The following CDH23 variants were observed in gnomAD, a reference collection of about 807,000 sequenced individuals.
CDH23 encodes cadherin-23.
Under a neutral mutation model 317.1 loss-of-function variants are expected in CDH23, and 189 were observed. The ratio of observed to expected loss-of-function variants is 0.60; its 90% CI spans 0.53 to 0.67. The LOEUF (loss-of-function observed/expected upper bound fraction) is 0.67. Among genes scored for constraint, CDH23 ranks in the 30% least tolerant of loss-of-function variants. The probability of loss-of-function intolerance (pLI) is 0.00; values close to 1 mark genes in which losing one functional copy is unlikely to be tolerated. For synonymous variants in CDH23, 1,839 were observed against 1,876.8 expected (o/e 0.98, Z 0.52); for missense variants, 4,401 against 4,592.4 (o/e 0.96, Z 1.20).
At chr10:71,403,403 CTT>C (rs1847915605) in intron 1 of CDH23, among the ~76,000 whole-genome samples, 1 of 80,002 alleles carries the variant, frequency 1.2e-5, no homozygotes, top group African/African-American at 6.3e-5. Flanking sequence ...TTCTTTCTTT[CTT>C]TCTCTTCCTT....
intron 18 of CDH23, among the ~76,000 whole-genome samples, chr10:71,687,302 C>G (rs1465846036): frequency 1.3e-5 from 2 of 152,186 alleles, no homozygotes; most frequent in Non-Finnish European, 2.9e-5. Flanking sequence ...GGTGTGAGTG[C>G]TGGAGTGAGC....
At chr10:71,742,051 A>C in intron 38 of CDH23, 130 bp downstream of exon 38, 1 of 782,436 alleles carries the variant, frequency 1.3e-6, no homozygotes, top group Non-Finnish European at 2.0e-6. Flanking sequence ...CCTTTAGTCC[A>C]TCTGCCTTTA....
chr10:71,403,428 C>CT, intron 1 of CDH23, among the ~76,000 whole-genome samples: 4 of 69,944 alleles, frequency 5.7e-5, no homozygotes, highest in African/African-American at 4.2e-4. Flanking sequence ...TTCCTTCCTT[C>CT]CTTCCTTCCT....
At chr10:71,560,400 C>T (rs149484308) in intron 6 of CDH23, among the ~76,000 whole-genome samples, 1 of 152,236 alleles carries the variant, frequency 6.6e-6, no homozygotes, top group East Asian at 1.9e-4. Context: ...TGTTCTCTTA[C>T]CTAGAGGCGT....
intron 9 of CDH23, among the ~76,000 whole-genome samples, chr10:71,597,762 T>C (rs976363801): frequency 4.6e-5 from 7 of 152,228 alleles, no homozygotes; most frequent in Admixed American, 1.3e-4. Flanking sequence ...TTTGGACTTA[T>C]TTGATAATTC....
chr10:71,798,241 T>TG (rs1246602387), intron 49 of CDH23, 113 bp from the exon 50 acceptor site: 5 of 749,414 alleles, frequency 6.7e-6, no homozygotes, highest in East Asian at 2.6e-5. Flanking sequence ...AGGCAGCCTC[T>TG]GGGGGGCTGT....
rs189573932 is a variant in CDH23, at chr10:71,815,360, C to T, written c.*82C>T. 2.5e-5 allele frequency: 33 copies of T among 1,326,016 alleles called. No individual in the cohort carries two copies. In the Admixed American group the frequency reaches 4.8e-4, roughly 19 times the overall value. 82.1% of individuals were successfully genotyped at this position (1,326,016 alleles called of 1,614,324 possible). A position where few individuals can be genotyped will look rare whatever the true frequency, so the allele number is the denominator to read the frequency against. On this transcript the variant is annotated 3_prime_UTR_variant, in exon 70 of 70. Coordinates refer to ENST00000224721, the MANE Select transcript of CDH23 (RefSeq NM_022124.6). ...GAGCAAGGGCAGGGACAGGGCCGGT[C>T]GGGGGGGACCCTCCAAGGCCAGGCC...
At chr10:71,436,857 TACTC>T (rs573743666) in intron 1 of CDH23, among the ~76,000 whole-genome samples, 116 of 152,342 alleles carry the variant, frequency 7.6e-4, no homozygotes, top group African/African-American at 2.3e-3. Context: ...CTGTAGAAGA[TACTC>T]ACTCACTGTG....
chr10:71,815,121 A>C lies in CDH23; in HGVS notation c.9908A>C (p.Glu3303Ala). The change falls in exon 70 of 70, where the codon GAA becomes GCA. Residue 3303 changes from glutamate to alanine, a missense_variant. Around this residue, in one of 3 missense-constraint regions of CDH23, gnomAD observed 1,144 missense variants for 1,138.2 expected, o/e 1.01. Transcript: ENST00000224721. ...LATDLNSLPE[E>A]DQKGLGRSLE... The stretch of plus-strand genomic sequence containing the variant: ...ACCGACCTCAACAGCCTGCCCGAGG[A>C]AGACCAGAAGGGCCTGGGCCGCTCG... The C allele has an allele frequency of 9.3e-6, 15 of 1,611,448 alleles. No individual in the cohort carries two copies. The highest frequency in any genetic ancestry group is 1.3e-5 in the Non-Finnish European group (15 of 1,179,216).
intron 3 of CDH23, among the ~76,000 whole-genome samples, chr10:71,493,774 C>A (rs959702827): frequency 6.6e-6 from 1 of 152,280 alleles, no homozygotes; most frequent in East Asian, 1.9e-4. Flanking sequence ...TCACAGAGCA[C>A]CCGTTAGCCT....
intron 8 of CDH23, among the ~76,000 whole-genome samples, chr10:71,577,627 C>A (rs1371985731): frequency 5.3e-5 from 8 of 152,178 alleles, no homozygotes. Context: ...GCTGGATGCC[C>A]CTCATCTGTT....
chr10:71,667,275 G>C (rs1863941541), intron 14 of CDH23, among the ~76,000 whole-genome samples: 4 of 152,232 alleles, frequency 2.6e-5, no homozygotes, highest in Admixed American at 2.0e-4. Flanking sequence ...GGTGTCTAGG[G>C]AGGGGGTGTG....
chr10:71,624,489 A>C (rs909317449), intron 11 of CDH23, among the ~76,000 whole-genome samples: 1 of 152,198 alleles, frequency 6.6e-6, no homozygotes, highest in African/African-American at 2.4e-5. Context: ...CAGAGCGTCT[A>C]TCAGGATTAA....
intron 9 of CDH23, among the ~76,000 whole-genome samples, chr10:71,590,891 A>AAAAC (rs1859441929): frequency 7.0e-6 from 1 of 143,284 alleles, no homozygotes; most frequent in Admixed American, 8.3e-5. Flanking sequence ...AAAAAACAAA[A>AAAAC]AAAAACAAAA....
intron 1 of CDH23, among the ~76,000 whole-genome samples, chr10:71,426,771 T>C (rs967418690): frequency 4.6e-5 from 7 of 152,308 alleles, no homozygotes; most frequent in East Asian, 1.9e-4. Context: ...ATTTAAAGTG[T>C]ACAATTCAAT....
At chr10:71,506,908 T>A (rs1233058322) in intron 3 of CDH23, among the ~76,000 whole-genome samples, 1 of 152,086 alleles carries the variant, frequency 6.6e-6, no homozygotes, top group African/African-American at 2.4e-5. Context: ...GGAAAATGGA[T>A]AAAAGTCCGG....
chr10:71,654,429 G>A lies in CDH23; in HGVS notation c.1449+7812G>A, dbSNP rs563744507. ...AAAGGCTGAAGTGCTGGGGCCTTCT[G>A]TTCCCACAGAGCTTGCTTCAGTTCT... is the stretch of plus-strand genomic sequence containing the variant. On this transcript the variant is annotated intron_variant, in intron 14 of 69. Coordinates refer to ENST00000224721, the MANE Select transcript of CDH23 (RefSeq NM_022124.6). 1.7e-4 allele frequency among the ~76,000 whole-genome samples: 26 copies of A among 152,314 alleles called. No individual in the cohort carries two copies. In the Middle Eastern group the frequency reaches 0.014, roughly 80 times the overall value.
intron 34 of CDH23, among the ~76,000 whole-genome samples, chr10:71,734,979 C>T (rs1038227748): frequency 1.3e-5 from 2 of 152,230 alleles, no homozygotes; most frequent in Non-Finnish European, 2.9e-5. Flanking sequence ...GTGACACAGG[C>T]AAGCTGCTTA....
In CDH23 at chr10:71,811,605, C is replaced by T. The variant is rs727504751; in HGVS notation, c.9278+15C>T. Reference sequence around the variant, plus strand: ...TACAGGACTGTGTGAGTGTCCCCCACCCCTGCCATCAGGGGGCCGACCACC... The same window carrying T: ...TACAGGACTGTGTGAGTGTCCCCCATCCCTGCCATCAGGGGGCCGACCACC... On this transcript the variant is annotated intron_variant, in intron 64 of 69. Coordinates refer to ENST00000224721, the MANE Select transcript of CDH23 (RefSeq NM_022124.6). The T allele has an allele frequency of 1.9e-6, 3 of 1,613,906 alleles. No homozygotes were observed. In the Admixed American group the frequency reaches 5.0e-5, roughly 27 times the overall value.
Sources: allele counts gnomAD v4.1 joint callset (sites outside exome capture counted in the v4.1 genomes callset), GRCh38; gene constraint gnomAD v4.1.1; regional missense constraint gnomAD v4.1.1; transcripts MANE v1.5; gene names NCBI Gene and HGNC (gene_info 2026-07-23, HGNC 2026-07-21).